Variants in TRPV3 observed in about 807,000 individuals in gnomAD.
The protein encoded by TRPV3 is VRL-3.
TRPV3 carries 88 observed loss-of-function variants against 87.1 expected under a neutral mutation model. The ratio of observed to expected loss-of-function variants is 1.01; its 90% CI spans 0.85 to 1.21. The LOEUF (loss-of-function observed/expected upper bound fraction) is 1.21, where lower values mean the gene tolerates loss of function less well. Among genes scored for constraint, TRPV3 ranks in the 50% most tolerant of loss-of-function variants. The pLI, the probability that TRPV3 is intolerant of heterozygous loss-of-function variation, is 0.00. For missense variants in TRPV3, 1,054 were observed against 1,030.1 expected (o/e 1.02, Z -0.32); for synonymous variants, 438 against 423.3 (o/e 1.03, Z -0.43).
At chr17:3,527,004 C>G (rs2074306154) in intron 11 of TRPV3, 77 bp from the exon 12 acceptor site, 1 of 1,189,722 alleles carries the variant, frequency 8.4e-7, no homozygotes, top group African/African-American at 1.5e-5. Flanking sequence ...GGTGCTTCCC[C>G]AGGACCAAGA....
intron 2 of TRPV3, among the ~76,000 whole-genome samples, chr17:3,549,945 G>A (rs1597492423): frequency 1.3e-5 from 2 of 150,608 alleles, no homozygotes; most frequent in Middle Eastern, 3.6e-3. Context: ...GACAGATGAT[G>A]TATGGATGGA....
intron 12 of TRPV3, among the ~76,000 whole-genome samples, chr17:3,524,930 C>CA (rs2074282199): frequency 6.6e-6 from 1 of 151,928 alleles, no homozygotes; most frequent in Non-Finnish European, 1.5e-5. Context: ...TATTTTTAAC[C>CA]AAAATGACAA....
At chr17:3,544,692 G>C in intron 3 of TRPV3, 27 bp from the exon 4 acceptor site, 2 of 1,573,162 alleles carry the variant, frequency 1.3e-6, no homozygotes. Context: ...GGGGAACAGA[G>C]AGGGTTTTAA....
intron 6 of TRPV3, among the ~76,000 whole-genome samples, chr17:3,539,330 G>T (rs935233441): frequency 2.6e-5 from 4 of 152,126 alleles, no homozygotes; most frequent in Admixed American, 6.5e-5. Flanking sequence ...ATGCTGGGCT[G>T]CTTTACAATG....
chr17:3,535,123 G>A (rs2074386602), intron 7 of TRPV3, among the ~76,000 whole-genome samples: 2 of 151,378 alleles, frequency 1.3e-5, no homozygotes, highest in Admixed American at 1.3e-4. Context: ...TCAAAGCGGG[G>A]TGGCCCCTCC....
chr17:3,519,136 ATG>A (rs2150780487), intron 14 of TRPV3, among the ~76,000 whole-genome samples: 1 of 152,204 alleles, frequency 6.6e-6, no homozygotes, highest in South Asian at 2.1e-4. Context: ...ATTATAATCC[ATG>A]TGTGTGTCCC....
chr17:3,548,293 C>G lies in TRPV3; in HGVS notation c.120-3022G>C, dbSNP rs548751471. Among the ~76,000 whole-genome samples, 26 of 152,320 alleles carry G rather than the reference C, an allele frequency of 1.7e-4. No homozygotes were observed. In the South Asian group the frequency reaches 5.4e-3, roughly 32 times the overall value. Reference sequence around the variant, plus strand: ...AGGGACTGTGGCCCCATTCTGCAGACAAGAGAACTGAGGCTCAGTATGGAG... The same window carrying G: ...AGGGACTGTGGCCCCATTCTGCAGAGAAGAGAACTGAGGCTCAGTATGGAG... On this transcript the variant is annotated intron_variant, in intron 2 of 17. Transcript: ENST00000576742.
At position 3,543,561 on chromosome 17, in the gene TRPV3, C is replaced by T. The variant is rs759681731; in HGVS notation, c.379G>A (p.Val127Met). The T allele has an allele frequency of 1.3e-5, 21 of 1,614,018 alleles. No individual in the cohort carries two copies. Among genetic ancestry groups the T allele is most frequent in the East Asian group, 6.7e-5 (3 of 44,904 alleles). ...RRLKKRIFAA[V>M]SEGCVEELVE... ...AACTCCTCCACGCAGCCCTCAGACA[C>T]GGCTGCAAAGATGCGCTTCTTCAGC... Residue 127 changes from valine (V) to methionine (M), a missense_variant, in exon 5 of 18, where the codon GTG becomes ATG. By Grantham distance (21) the Val-to-Met change is conservative. Coordinates refer to ENST00000576742, the MANE Select transcript of TRPV3 (RefSeq NM_145068.4).
Position 3,528,124 on chromosome 17 carries a change from G to A in TRPV3, c.1404C>T (p.Ala468=), listed in dbSNP as rs745435088. Residue 468 remains alanine (A), a splice_region_variant and synonymous_variant, in exon 11 of 18, where the codon GCC becomes GCT. Transcript: ENST00000576742. The surrounding 1 kb of genome is among the most constrained non-coding windows in gnomAD (Gnocchi z 4.2). ...GCGTCAGGGCCAAGGGGTGCGGGATGGCCTGCAGGGAAAGAAGAGGGGTGG... is the reference window on the plus strand; with the variant it reads ...GCGTCAGGGCCAAGGGGTGCGGGATAGCCTGCAGGGAAAGAAGAGGGGTGG... ...VSYYRPREEE[A]IPHPLALTHK... 1 of 1,611,398 alleles carries A rather than the reference G, an allele frequency of 6.2e-7. No individual in the cohort carries two copies. The highest frequency in any genetic ancestry group is 1.7e-5 in the Admixed American group (1 of 59,800).
chr17:3,524,056 G>T, intron 13 of TRPV3, 142 bp downstream of exon 13: 1 of 1,139,942 alleles, frequency 8.8e-7, no homozygotes, highest in Non-Finnish European at 1.2e-6. Flanking sequence ...CTGGCCGAAA[G>T]CAAAGGGAGT....
chr17:3,515,781 G>C (rs1277754439), intron 16 of TRPV3, among the ~76,000 whole-genome samples: 2 of 152,070 alleles, frequency 1.3e-5, no homozygotes, highest in Non-Finnish European at 2.9e-5. Context: ...CAAGTCACCC[G>C]GGGTCACAGG....
chr17:3,514,198 C>T, intron 17 of TRPV3, 187 bp from the exon 18 acceptor site: 1 of 530,848 alleles, frequency 1.9e-6, no homozygotes, highest in Admixed American at 3.2e-5. Flanking sequence ...CCTGACTCAG[C>T]CTCTCGAGTA....
At position 3,556,741 on chromosome 17, in the gene TRPV3, G is replaced by A. The variant is rs1218122237; in HGVS notation, c.-3+935C>T. 6.6e-6 allele frequency among the ~76,000 whole-genome samples: 1 copy of A among 152,182 alleles called. No homozygotes were observed. The highest frequency in any genetic ancestry group is 1.9e-4 in the East Asian group (1 of 5,186). Reference sequence around the variant, plus strand: ...GCGTAGGCAACCTTGAGGCCAGGCAGGTGGAGTAGCCCACAGAGAGGGACT... The same window carrying A: ...GCGTAGGCAACCTTGAGGCCAGGCAAGTGGAGTAGCCCACAGAGAGGGACT... On this transcript the variant is annotated intron_variant, in intron 1 of 17. Transcript: ENST00000576742. This position sits in a 1 kb window ranked among gnomAD's most constrained non-coding sequence, Gnocchi z 4.2.
intron 11 of TRPV3, 58 bp downstream of exon 11, chr17:3,527,967 G>A: frequency 1.5e-6 from 2 of 1,329,622 alleles, no homozygotes; most frequent in Non-Finnish European, 2.2e-6. Context: ...GAGAGGGATG[G>A]AGGCTGTCAC....
rs540890241 is a variant in TRPV3 at position 3,530,396 on chromosome 17, G to A, written c.1066-193C>T. On this transcript the variant is annotated intron_variant, in intron 8 of 17. Coordinates refer to ENST00000576742, the MANE Select transcript of TRPV3 (RefSeq NM_145068.4). This position sits in a 1 kb window ranked among gnomAD's most constrained non-coding sequence, Gnocchi z 4.0. ...GAATGCGCACAAAGCTTGCTGTTCCGCCCATCTCACTGGGGGTTGTGAATA... is the reference window on the plus strand; with the variant it reads ...GAATGCGCACAAAGCTTGCTGTTCCACCCATCTCACTGGGGGTTGTGAATA... 35 of 433,116 alleles carry A rather than the reference G, an allele frequency of 8.1e-5. No individual in the cohort carries two copies. The highest frequency in any genetic ancestry group is 1.1e-3 in the Middle Eastern group (2 of 1,800). 26.8% of individuals were successfully genotyped at this position (433,116 alleles called of 1,614,324 possible).
At position 3,535,589 on chromosome 17, in the gene TRPV3, G is replaced by C; in HGVS notation, c.768C>G (p.His256Gln). ...GGCACCCACCGAAGTAGAAGCCTTC[G>C]TGTTGGTACTTGGGGTTGAAGAAGG... is the stretch of plus-strand genomic sequence containing the variant. ...KGAFFNPKYQ[H>Q]EGFYFGETPL... is the part of the protein sequence containing the mutation. The change falls in exon 7 of 18, where the codon CAC (histidine) becomes CAG (glutamine). Residue 256 changes from histidine (H) to glutamine (Q), a missense_variant. His to Gln is a conservative substitution (Grantham distance 24, BLOSUM62 0). Transcript: ENST00000576742. The C allele has an allele frequency of 6.2e-7, 1 of 1,605,812 alleles. No individual in the cohort carries two copies. Among genetic ancestry groups the C allele is most frequent in the Non-Finnish European group, 8.5e-7 (1 of 1,177,194 alleles).
rs1211043137 is a variant in TRPV3, at chr17:3,556,899, A to G, written c.-3+777T>C. On this transcript the variant is annotated intron_variant, in intron 1 of 17. Coordinates refer to ENST00000576742, the MANE Select transcript of TRPV3 (RefSeq NM_145068.4). The surrounding 1 kb of genome is among the most constrained non-coding windows in gnomAD (Gnocchi z 4.2). ...GCACCGAGCGTGAAGGAGACAGAAG[A>G]AGGGCACGTCTCTTGCCCCTCCCAG... 6.6e-6 allele frequency among the ~76,000 whole-genome samples: 1 copy of G among 152,154 alleles called. No individual in the cohort carries two copies. The highest frequency in any genetic ancestry group is 1.5e-5 in the Non-Finnish European group (1 of 68,014).
intron 1 of TRPV3, among the ~76,000 whole-genome samples, chr17:3,555,758 G>C (rs553873196): frequency 1.2e-4 from 18 of 152,308 alleles, no homozygotes; most frequent in Non-Finnish European, 2.1e-4. Context: ...AGCCTGGGAG[G>C]GTCAGGAGTG....
intron 12 of TRPV3, among the ~76,000 whole-genome samples, chr17:3,525,080 C>T (rs934965235): frequency 5.3e-5 from 8 of 152,162 alleles, no homozygotes; most frequent in Non-Finnish European, 8.8e-5. Context: ...AGTACAGTGG[C>T]ATGAACTCTG....
Sources: allele counts gnomAD v4.1 joint callset (sites outside exome capture counted in the v4.1 genomes callset), GRCh38; gene constraint gnomAD v4.1.1; non-coding constraint Gnocchi (gnomAD v3.1); transcripts MANE v1.5; gene names NCBI Gene and HGNC (gene_info 2026-07-23, HGNC 2026-07-21).